Variants in NRXN1 observed in about 807,000 individuals in gnomAD.
NRXN1 encodes neurexin-1.
A neutral mutation model predicts 150.9 loss-of-function variants in NRXN1; 39 were observed. That is an observed-to-expected ratio of 0.26 (90% CI 0.20 to 0.34). The LOEUF (loss-of-function observed/expected upper bound fraction) is 0.34, where lower values mean the gene tolerates loss of function less well. Among genes scored for constraint, NRXN1 ranks in the 10% least tolerant of loss-of-function variants. The pLI, the probability that NRXN1 is intolerant of heterozygous loss-of-function variation, is 1.00. For missense variants in NRXN1, 1,815 were observed against 1,949.9 expected, an observed-to-expected ratio of 0.93 and a Z score of 1.30; for synonymous variants, 924 against 757.0, an observed-to-expected ratio of 1.22 and a Z score of -3.62.
At chr2:50,044,461 G>T (rs1004957282) in intron 21 of NRXN1, among the ~76,000 whole-genome samples, 1 of 152,124 alleles carries the variant, frequency 6.6e-6, no homozygotes, top group East Asian at 1.9e-4. Context: ...AGAGAATGTG[G>T]ATAATTCCAG....
intron 17 of NRXN1, among the ~76,000 whole-genome samples, chr2:50,370,133 T>G (rs1428823002): frequency 6.6e-6 from 1 of 152,022 alleles, no homozygotes; most frequent in African/African-American, 2.4e-5. Context: ...TTAGTTCCCA[T>G]GTATTGTTAT....
intron 21 of NRXN1, among the ~76,000 whole-genome samples, chr2:50,010,658 T>C (rs1053885668): frequency 3.9e-5 from 6 of 152,064 alleles, no homozygotes; most frequent in African/African-American, 1.2e-4. Context: ...ATCCCCTCTC[T>C]CTGGTCCTGC....
At chr2:50,459,282 C>A (rs2087913105) in intron 17 of NRXN1, among the ~76,000 whole-genome samples, 1 of 152,152 alleles carries the variant, frequency 6.6e-6, no homozygotes, top group Admixed American at 6.6e-5. Flanking sequence ...CTTCAAATAT[C>A]TTCCTGATTA....
chr2:50,745,140 T>G (rs1699858803), intron 5 of NRXN1, among the ~76,000 whole-genome samples: 1 of 152,108 alleles, frequency 6.6e-6, no homozygotes, highest in East Asian at 1.9e-4. Context: ...GGGCAAGCAT[T>G]TAATCTCTCC....
At chr2:50,843,079 G>T (rs1371828552) in intron 5 of NRXN1, among the ~76,000 whole-genome samples, 1 of 152,132 alleles carries the variant, frequency 6.6e-6, no homozygotes, top group Non-Finnish European at 1.5e-5. Context: ...AAACAGATCT[G>T]TGAGCGAGAA....
intron 5 of NRXN1, among the ~76,000 whole-genome samples, chr2:50,685,193 C>T (rs1691038741): frequency 6.6e-6 from 1 of 152,148 alleles, no homozygotes; most frequent in South Asian, 2.1e-4. Context: ...TTCTAAGATG[C>T]TATTTTGGTT....
chr2:50,705,502 T>C (rs909598661), intron 5 of NRXN1, among the ~76,000 whole-genome samples: 3 of 152,184 alleles, frequency 2.0e-5, no homozygotes, highest in Admixed American at 6.6e-5. Flanking sequence ...TGCTGCTTTA[T>C]AACTAATCAC....
intron 18 of NRXN1, among the ~76,000 whole-genome samples, chr2:50,131,935 A>G (rs570467102): frequency 1.2e-4 from 19 of 152,068 alleles, no homozygotes; most frequent in African/African-American, 4.1e-4. Context: ...AGTATGGGGG[A>G]AAAAAAGTTA....
At chr2:50,225,791 A>G (rs1438211593) in intron 18 of NRXN1, among the ~76,000 whole-genome samples, 2 of 151,988 alleles carry the variant, frequency 1.3e-5, no homozygotes, top group African/African-American at 4.8e-5. Flanking sequence ...TTATGCCCCA[A>G]ACTTACAAAT....
chr2:50,478,429 AAT>A (rs2090171345), intron 15 of NRXN1, among the ~76,000 whole-genome samples: 1 of 152,152 alleles, frequency 6.6e-6, no homozygotes, highest in African/African-American at 2.4e-5. Flanking sequence ...ATGGAAATCA[AAT>A]GGGCAATTCA....
chr2:50,376,367 G>GAAA (rs775121470), intron 17 of NRXN1, among the ~76,000 whole-genome samples: 3 of 103,678 alleles, frequency 2.9e-5, no homozygotes, highest in East Asian at 2.7e-4. Flanking sequence ...GAAGCAAAAT[G>GAAA]AAAAAAAAAA....
chr2:50,885,396 A>C (rs1281416979), intron 5 of NRXN1, among the ~76,000 whole-genome samples: 1 of 150,228 alleles, frequency 6.7e-6, no homozygotes, highest in African/African-American at 2.4e-5. Context: ...CAAAAAAAAA[A>C]ACCCACAAGT....
chr2:50,008,546 C>T (rs1685136353), intron 21 of NRXN1, among the ~76,000 whole-genome samples: 1 of 148,230 alleles, frequency 6.7e-6, no homozygotes, highest in South Asian at 2.1e-4. Flanking sequence ...TCACTGTGAG[C>T]TCCGAGGATG....
intron 17 of NRXN1, among the ~76,000 whole-genome samples, chr2:50,452,121 T>C (rs540383604): frequency 5.3e-5 from 8 of 152,296 alleles, no homozygotes; most frequent in African/African-American, 1.9e-4. Context: ...AGAAAAAGAA[T>C]AGGTGAAGTC....
chr2:50,053,837 A>ACG (rs1693176791), intron 20 of NRXN1, among the ~76,000 whole-genome samples: 1 of 151,376 alleles, frequency 6.6e-6, no homozygotes, highest in Admixed American at 6.6e-5. Flanking sequence ...AAAGATATGT[A>ACG]TTACAAATCA....
At chr2:50,000,600 T>C (rs1288690390) in intron 21 of NRXN1, among the ~76,000 whole-genome samples, 2 of 152,200 alleles carry the variant, frequency 1.3e-5, no homozygotes, top group African/African-American at 2.4e-5. Flanking sequence ...CACAGATTTA[T>C]ATAAAGTTGC....
At chr2:49,989,504 T>C (rs1681546135) in intron 21 of NRXN1, among the ~76,000 whole-genome samples, 1 of 152,172 alleles carries the variant, frequency 6.6e-6, no homozygotes, top group Non-Finnish European at 1.5e-5. Flanking sequence ...GAGCATACCT[T>C]TACTTGAACA....
rs1160025529 is a variant in NRXN1 at position 50,594,861 on chromosome 2, C to T, written c.1320+25161G>A. Among the ~76,000 whole-genome samples the T allele has an allele frequency of 2.0e-5, 3 of 152,198 alleles. No homozygotes were observed. In the East Asian group the frequency reaches 5.8e-4, roughly 29 times the overall value. On this transcript the variant is annotated intron_variant, in intron 8 of 22. Transcript: ENST00000401669. ...CTATCTCAACACCAGGGGTGACTCT[C>T]ATACTGCTCAGGGCTAATCACTCCA...
intron 5 of NRXN1, among the ~76,000 whole-genome samples, chr2:50,868,359 A>G (rs1214272150): frequency 1.3e-5 from 2 of 148,602 alleles, no homozygotes; most frequent in African/African-American, 4.9e-5. Flanking sequence ...ATACATGGAC[A>G]TAAATTGTGG....
Sources: allele counts gnomAD v4.1 joint callset (sites outside exome capture counted in the v4.1 genomes callset), GRCh38; gene constraint gnomAD v4.1.1; transcripts MANE v1.5; gene names NCBI Gene and HGNC (gene_info 2026-07-23, HGNC 2026-07-21).